HMCN1: variants seen among roughly 807,000 people sequenced by gnomAD.
HMCN1 encodes the protein hemicentin-1.
A neutral mutation model predicts 625.9 loss-of-function variants in HMCN1; 321 were observed. The observed-to-expected ratio is 0.51, with a 90% CI of 0.47 to 0.56. The LOEUF is 0.56. HMCN1 is among the 20% of genes least tolerant of loss of function. The pLI is 0.00. For missense variants in HMCN1, 6,588 were observed against 6,887.3 expected, an observed-to-expected ratio of 0.96 and a Z score of 1.54; for synonymous variants, 2,425 against 2,417.6, an observed-to-expected ratio of 1.00 and a Z score of -0.09.
At chr1:186,172,164 A>G (rs764771309) in intron 102 of HMCN1, 33 bp downstream of exon 102, 10 of 1,612,564 alleles carry the variant, frequency 6.2e-6, no homozygotes, top group Non-Finnish European at 8.5e-6. Context: ...GACTGAGATC[A>G]GTTTGCCGTC....
chr1:185,851,060 TATAGA>T (rs1662132245), intron 2 of HMCN1, among the ~76,000 whole-genome samples: 2 of 152,198 alleles, frequency 1.3e-5, no homozygotes, highest in East Asian at 3.8e-4. Flanking sequence ...AGTGTTTACT[TATAGA>T]ATACTTTATT....
rs1160952426 is a variant in HMCN1 at position 186,107,090 on chromosome 1, A to ATT, written c.10852+126_10852+127insTT. On this transcript the variant is annotated intron_variant, in intron 70 of 106. Coordinates refer to ENST00000271588, the MANE Select transcript of HMCN1 (RefSeq NM_031935.3). Reference sequence around the variant, plus strand: ...GGGAATATATATTTTGCAAATCTGAATCTTTTTTTTTTTGAGACGGAGTCT... The same window carrying ATT: ...GGGAATATATATTTTGCAAATCTGAATTTCTTTTTTTTTTTGAGACGGAGTCT... 9.4e-6 allele frequency: 7 copies of ATT among 741,772 alleles called. No homozygotes were observed. In the African/African-American group the frequency reaches 1.2e-4, roughly 13 times the overall value. 45.9% of individuals were successfully genotyped at this position (741,772 alleles called of 1,614,324 possible).
intron 15 of HMCN1, among the ~76,000 whole-genome samples, chr1:185,977,236 T>C (rs958324479): frequency 2.6e-5 from 4 of 152,154 alleles, no homozygotes; most frequent in Non-Finnish European, 4.4e-5. Context: ...ATATTTAAAT[T>C]TCTCTAATTC....
chr1:185,853,868 G>A (rs1270640169), intron 2 of HMCN1, among the ~76,000 whole-genome samples: 1 of 152,136 alleles, frequency 6.6e-6, no homozygotes, highest in South Asian at 2.1e-4. Context: ...GCATCTATGG[G>A]AATATCCTTA....
At chr1:185,820,446 C>T (rs1310138653) in intron 1 of HMCN1, among the ~76,000 whole-genome samples, 1 of 151,746 alleles carries the variant, frequency 6.6e-6, no homozygotes, top group Non-Finnish European at 1.5e-5. Context: ...CTGAGACAGC[C>T]CCGAATAATG....
At chr1:186,176,651 C>G (rs893455386) in intron 103 of HMCN1, among the ~76,000 whole-genome samples, 20 of 152,172 alleles carry the variant, frequency 1.3e-4, no homozygotes, top group African/African-American at 4.8e-4. Flanking sequence ...CAGACCAGGT[C>G]TCTGTCCTCG....
chr1:186,153,817 C>T lies in HMCN1; in HGVS notation c.15086C>T (p.Thr5029Ile), dbSNP rs1484550329. ...TACGCCTACTCAACCCGGCTGTTCA[C>T]CATTGATGGCATCAGCATCCCATAC... Reference protein sequence around the residue: ...QLYAYSTRLFTIDGISIPYTW... With the variant: ...QLYAYSTRLFIIDGISIPYTW... Residue 5029 changes from threonine to isoleucine, a missense_variant, in exon 97 of 107, where the codon ACC (threonine) becomes ATC (isoleucine). Physicochemically the swap from Thr to Ile is moderately conservative, Grantham distance 89. This residue lies in a region of HMCN1 where 1,954 missense variants were observed against 2,013.1 expected (regional missense o/e 0.97). Coordinates refer to ENST00000271588, the MANE Select transcript of HMCN1 (RefSeq NM_031935.3). 6.2e-7 allele frequency: 1 copy of T among 1,614,038 alleles called. No individual in the cohort carries two copies. The highest frequency in any genetic ancestry group is 1.3e-5 in the African/African-American group (1 of 74,930).
rs202140956 is a variant in HMCN1, at chr1:186,137,552, G to A, written c.13637G>A (p.Gly4546Glu). 4.5e-5 allele frequency: 72 copies of A among 1,613,700 alleles called. No homozygotes were observed. Among genetic ancestry groups the A allele is most frequent in the Non-Finnish European group, 6.8e-6 (8 of 1,179,920 alleles). ...SAWRACSVTC[G>E]KGIQKRSRLC... Reference sequence around the variant, plus strand: ...TGGAGAGCCTGCAGTGTCACCTGTGGAAAAGGCATCCAAAAGAGGAGTCGT... The same window carrying A: ...TGGAGAGCCTGCAGTGTCACCTGTGAAAAAGGCATCCAAAAGAGGAGTCGT... Residue 4546 changes from glycine to glutamate, a missense_variant, in exon 88 of 107, where the codon GGA (glycine) becomes GAA (glutamate). By Grantham distance (98) the Gly-to-Glu change is moderately conservative (BLOSUM62 -2). Coordinates refer to ENST00000271588, the MANE Select transcript of HMCN1 (RefSeq NM_031935.3).
intron 1 of HMCN1, among the ~76,000 whole-genome samples, chr1:185,814,593 A>G (rs1659728261): frequency 7.1e-6 from 1 of 140,360 alleles, no homozygotes; most frequent in Non-Finnish European, 1.5e-5. Context: ...TTACTTGGTA[A>G]TGAAGGCATC....
Position 186,088,154 on chromosome 1 carries a change from G to A in HMCN1, c.9455G>A (p.Ser3152Asn), listed in dbSNP as rs748563747. 2.5e-6 allele frequency: 4 copies of A among 1,608,514 alleles called. No homozygotes were observed. Among genetic ancestry groups the A allele is most frequent in the South Asian group, 1.1e-5 (1 of 90,606 alleles). ...TGTTTGTTTTTTACAGTGCCACCCA[G>A]TATTGAAGGACCTGAAAGAGAAGTG... ...NFHLNVYVPP[S>N]IEGPEREVIV... The change falls in exon 62 of 107, where the codon AGT becomes AAT. Residue 3152 changes from serine to asparagine, a missense_variant. Physicochemically the swap from Ser to Asn is conservative, Grantham distance 46 (BLOSUM62 1). Transcript: ENST00000271588.
At chr1:186,034,639 G>C (rs1655701906) in intron 36 of HMCN1, among the ~76,000 whole-genome samples, 1 of 152,098 alleles carries the variant, frequency 6.6e-6, no homozygotes, top group Non-Finnish European at 1.5e-5. Context: ...TTTTTTCACT[G>C]TGATTATTGG....
At chr1:185,849,740 T>C (rs567034959) in intron 2 of HMCN1, among the ~76,000 whole-genome samples, 38 of 152,314 alleles carry the variant, frequency 2.5e-4, no homozygotes, top group African/African-American at 8.9e-4. Context: ...ATATACTAAA[T>C]TGAATTGTAT....
At chr1:185,982,070 T>G (rs1198732666) in intron 17 of HMCN1, among the ~76,000 whole-genome samples, 192 bp from the exon 18 acceptor site, 1 of 152,186 alleles carries the variant, frequency 6.6e-6, no homozygotes, top group Non-Finnish European at 1.5e-5. Flanking sequence ...TACCTGTCCT[T>G]TTGCATTCCC....
intron 102 of HMCN1, among the ~76,000 whole-genome samples, chr1:186,173,640 C>CAA (rs762258823): frequency 1.3e-5 from 1 of 74,670 alleles, no homozygotes; most frequent in African/African-American, 5.0e-5. Context: ...GACTCCATCT[C>CAA]AAAAAAAAAA....
chr1:185,791,463 T>C (rs1052611966), intron 1 of HMCN1, among the ~76,000 whole-genome samples: 2 of 152,170 alleles, frequency 1.3e-5, no homozygotes, highest in Non-Finnish European at 2.9e-5. Flanking sequence ...CTGACAATTG[T>C]AATCCCAGCT....
At chr1:186,126,278 C>G (rs911418894) in intron 82 of HMCN1, among the ~76,000 whole-genome samples, 12 of 151,958 alleles carry the variant, frequency 7.9e-5, no homozygotes, top group African/African-American at 2.4e-4. Context: ...TTTGAATATT[C>G]CTATTCAAAT....
chr1:186,086,673 A>AGTG (rs1285951825), intron 58 of HMCN1, among the ~76,000 whole-genome samples: 1 of 152,094 alleles, frequency 6.6e-6, no homozygotes, highest in East Asian at 1.9e-4. Flanking sequence ...AGTAATACCA[A>AGTG]GTGGTAGATG....
intron 2 of HMCN1, among the ~76,000 whole-genome samples, chr1:185,846,857 C>G (rs1167668511): frequency 6.6e-6 from 1 of 152,132 alleles, no homozygotes; most frequent in Non-Finnish European, 1.5e-5. Flanking sequence ...CTTTTCAGTT[C>G]CTTGACCTAC....
rs145398864 is a variant in HMCN1, at chr1:186,137,916, G to A, written c.13868G>A (p.Arg4623Gln). ...AATCCATCAGTTCAGCATGGTGGGCGGCCATGTGAAGGGAATGCTGTGGAA... is the reference window on the plus strand; with the variant it reads ...AATCCATCAGTTCAGCATGGTGGGCAGCCATGTGAAGGGAATGCTGTGGAA... ...CNNPSVQHGGRPCEGNAVEII... is the reference protein window; with the variant it reads ...CNNPSVQHGGQPCEGNAVEII... The change falls in exon 89 of 107, where the codon CGG (arginine) becomes CAG (glutamine). Residue 4623 changes from arginine (R) to glutamine (Q), a missense_variant. Physicochemically the swap from Arg to Gln is conservative, Grantham distance 43. This residue lies in a region of HMCN1 where 1,954 missense variants were observed against 2,013.1 expected (regional missense o/e 0.97). Transcript: ENST00000271588. 6.4e-4 allele frequency: 1,033 copies of A among 1,614,040 alleles called. 2 individuals are homozygous for A. The highest frequency in any genetic ancestry group is 8.4e-4 in the Non-Finnish European group (990 of 1,179,976).
Sources: gnomAD v4.1 joint callset for allele counts (sites outside exome capture counted in the v4.1 genomes callset) on GRCh38, gnomAD v4.1.1 for gene constraint, gnomAD v4.1.1 regional missense constraint, MANE v1.5 for transcripts, NCBI Gene and HGNC (gene_info 2026-07-23, HGNC 2026-07-21) for gene names.